The following SLC4A4 variants were observed in gnomAD, a reference collection of about 807,000 sequenced individuals.
SLC4A4 encodes the protein electrogenic sodium bicarbonate cotransporter 1.
A neutral mutation model predicts 111.5 loss-of-function variants in SLC4A4; 27 were observed. The observed-to-expected ratio is 0.24, with a 90% CI of 0.18 to 0.33. The LOEUF (loss-of-function observed/expected upper bound fraction) is 0.33, where lower values mean the gene tolerates loss of function less well. Ranked by LOEUF, SLC4A4 falls within the 10% of genes least tolerant of loss-of-function variation. SLC4A4 has a pLI of 1.00. For synonymous variants in SLC4A4, 443 were observed against 463.4 expected, an observed-to-expected ratio of 0.96 and a Z score of 0.57; for missense variants, 909 against 1,315.5, an observed-to-expected ratio of 0.69 and a Z score of 4.78.
intron 1 of SLC4A4, among the ~76,000 whole-genome samples, chr4:71,217,514 G>C (rs1185105194): frequency 2.6e-5 from 4 of 152,172 alleles, no homozygotes; most frequent in Admixed American, 1.3e-4. Context: ...CATGAGCTGA[G>C]ATCGTGTCAC....
chr4:71,377,912 T>C (rs1454440370), intron 6 of SLC4A4, among the ~76,000 whole-genome samples: 2 of 152,218 alleles, frequency 1.3e-5, no homozygotes, highest in African/African-American at 4.8e-5. Context: ...TACAGTTTCA[T>C]GTGGCTGGGA....
At chr4:71,291,800 G>A (rs187092662) in intron 3 of SLC4A4, among the ~76,000 whole-genome samples, 1 of 152,296 alleles carries the variant, frequency 6.6e-6, no homozygotes, top group Admixed American at 6.5e-5. Context: ...TTAAAAGAGT[G>A]AAAATGTACT....
chr4:71,433,736 TC>T (rs1723855251), intron 7 of SLC4A4, among the ~76,000 whole-genome samples: 2 of 152,092 alleles, frequency 1.3e-5, no homozygotes. Flanking sequence ...TCTCTAAGAC[TC>T]AGGAATTCTA....
intron 16 of SLC4A4, among the ~76,000 whole-genome samples, chr4:71,515,572 G>T (rs1034638580): frequency 6.6e-6 from 1 of 152,144 alleles, no homozygotes; most frequent in Non-Finnish European, 1.5e-5. Flanking sequence ...ACAACGGGGT[G>T]TTAAAATCTT....
intron 4 of SLC4A4, among the ~76,000 whole-genome samples, chr4:71,341,293 A>G (rs1196762458): frequency 6.6e-6 from 1 of 152,156 alleles, no homozygotes; most frequent in Non-Finnish European, 1.5e-5. Context: ...TTACAATATG[A>G]GAATAAGGGA....
intron 6 of SLC4A4, among the ~76,000 whole-genome samples, chr4:71,390,727 C>G (rs968763104): frequency 4.6e-5 from 7 of 152,058 alleles, no homozygotes; most frequent in African/African-American, 1.7e-4. Context: ...TACATTTTCT[C>G]TTTATTAGCC....
chr4:71,192,675 C>G (rs1213321644), intron 1 of SLC4A4, among the ~76,000 whole-genome samples: 1 of 152,070 alleles, frequency 6.6e-6, no homozygotes, highest in African/African-American at 2.4e-5. Context: ...TTTTCCCCTC[C>G]CCTCTTCCTT....
At chr4:71,562,916 A>G (rs1737123457) in intron 23 of SLC4A4, among the ~76,000 whole-genome samples, 1 of 151,708 alleles carries the variant, frequency 6.6e-6, no homozygotes, top group African/African-American at 2.4e-5. Context: ...TTAAGATTTT[A>G]TTAACATTAA....
At chr4:71,176,540 C>A (rs1038273625) in intron 2 of SLC4A4, among the ~76,000 whole-genome samples, 2 of 152,142 alleles carry the variant, frequency 1.3e-5, no homozygotes, top group African/African-American at 4.8e-5. Flanking sequence ...ATGCACAAGC[C>A]TCAGTAGCCG....
chr4:71,487,735 T>A (rs1318140006), intron 15 of SLC4A4, among the ~76,000 whole-genome samples: 1 of 151,578 alleles, frequency 6.6e-6, no homozygotes, highest in South Asian at 2.1e-4. Flanking sequence ...AGAGTGCCCA[T>A]CTCTCAGGAG....
At chr4:71,266,890 C>G (rs1722305703) in intron 3 of SLC4A4, among the ~76,000 whole-genome samples, 1 of 152,124 alleles carries the variant, frequency 6.6e-6, no homozygotes, top group Non-Finnish European at 1.5e-5. Flanking sequence ...GTCCTGGGCA[C>G]TGGGGCTATA....
At chr4:71,477,906 T>G (rs541110027) in intron 14 of SLC4A4, among the ~76,000 whole-genome samples, 2 of 151,926 alleles carry the variant, frequency 1.3e-5, no homozygotes, top group African/African-American at 4.8e-5. Flanking sequence ...TACAAAAAAT[T>G]TAAACAAATT....
At chr4:71,527,831 G>GAAATATA (rs1466166101) in intron 16 of SLC4A4, among the ~76,000 whole-genome samples, 1 of 152,130 alleles carries the variant, frequency 6.6e-6, no homozygotes, top group Middle Eastern at 3.4e-3. Context: ...GTCTAGCCTA[G>GAAATATA]AAATATAAAT....
At chr4:71,103,087 A>C (rs1334275160) in intron 2 of SLC4A4, among the ~76,000 whole-genome samples, 1 of 151,206 alleles carries the variant, frequency 6.6e-6, no homozygotes, top group Non-Finnish European at 1.5e-5. Flanking sequence ...TCTACCAAGC[A>C]AATGGAAAAC....
chr4:71,143,100 C>T (rs1388127630), intron 2 of SLC4A4, among the ~76,000 whole-genome samples: 1 of 151,840 alleles, frequency 6.6e-6, no homozygotes. Context: ...TCTCCCCCAT[C>T]CCCCCACCAT....
intron 6 of SLC4A4, among the ~76,000 whole-genome samples, chr4:71,380,265 C>A (rs546680171): frequency 6.6e-6 from 1 of 152,174 alleles, no homozygotes; most frequent in African/African-American, 2.4e-5. Flanking sequence ...TATGACTACT[C>A]CAGCTATCAT....
chr4:71,221,026 A>C (rs963202961), intron 1 of SLC4A4, among the ~76,000 whole-genome samples: 2 of 152,202 alleles, frequency 1.3e-5, no homozygotes, highest in Admixed American at 1.3e-4. Flanking sequence ...AGCTGCATCC[A>C]TGTTCCTGCA....
intron 7 of SLC4A4, among the ~76,000 whole-genome samples, chr4:71,428,432 A>C (rs756837820): frequency 6.6e-6 from 1 of 152,098 alleles, no homozygotes; most frequent in Non-Finnish European, 1.5e-5. Flanking sequence ...TCATTACGCC[A>C]GGACAATAGG....
At chr4:71,419,023 G>A (rs976067139) in intron 7 of SLC4A4, among the ~76,000 whole-genome samples, 1 of 152,148 alleles carries the variant, frequency 6.6e-6, no homozygotes, top group Non-Finnish European at 1.5e-5. Context: ...CATGAACCGC[G>A]AATGCAGCTG....
Sources: allele counts gnomAD v4.1 joint callset (sites outside exome capture counted in the v4.1 genomes callset), GRCh38; gene constraint gnomAD v4.1.1; transcripts MANE v1.5; gene names NCBI Gene and HGNC (gene_info 2026-07-23, HGNC 2026-07-21).